CSNK2A2: variants seen among roughly 807,000 people sequenced by gnomAD.
CSNK2A2 encodes casein kinase 2 alpha 2, also known as casein kinase II subunit alpha'.
A neutral mutation model predicts 54.0 loss-of-function variants in CSNK2A2; 8 were observed. That is an observed-to-expected ratio of 0.15 (90% CI 0.09 to 0.27). The LOEUF (loss-of-function observed/expected upper bound fraction) is 0.27, where lower values mean the gene tolerates loss of function less well. Among genes scored for constraint, CSNK2A2 ranks in the 10% least tolerant of loss-of-function variants. The pLI, the probability that CSNK2A2 is intolerant of heterozygous loss-of-function variation, is 1.00. For synonymous variants in CSNK2A2, 141 were observed against 153.9 expected, an observed-to-expected ratio of 0.92 and a Z score of 0.62; for missense variants, 242 against 439.4, an observed-to-expected ratio of 0.55 and a Z score of 4.02.
intron 4 of CSNK2A2, among the ~76,000 whole-genome samples, chr16:58,181,505 CATG>C (rs1245730699): frequency 6.6e-6 from 1 of 152,070 alleles, no homozygotes; most frequent in East Asian, 1.9e-4. Flanking sequence ...ATTCAAAAAC[CATG>C]ATATTTCAGA....
intron 4 of CSNK2A2, among the ~76,000 whole-genome samples, chr16:58,180,327 C>T (rs544106997): frequency 9.1e-4 from 137 of 149,808 alleles, no homozygotes; most frequent in Non-Finnish European, 1.6e-3. Flanking sequence ...GGCACAAATA[C>T]TACTTAAAAA....
rs376627162 is a variant in CSNK2A2, at chr16:58,194,534, A to T, written c.216+2199T>A. Among the ~76,000 whole-genome samples the T allele has an allele frequency of 6.3e-4, 96 of 152,314 alleles. 3 individuals carry two copies. The highest frequency in any genetic ancestry group is 2.2e-3 in the African/African-American group (93 of 41,564). On this transcript the variant is annotated intron_variant, in intron 2 of 11. Transcript: ENST00000262506. The stretch of plus-strand genomic sequence containing the variant: ...TTAGGCTGCACTGTGAAAACAAACA[A>T]CATCAAGAAGAAACAAGAAACATTT...
chr16:58,183,292 G>A (rs1041453770), intron 4 of CSNK2A2, among the ~76,000 whole-genome samples: 4 of 151,456 alleles, frequency 2.6e-5, no homozygotes, highest in Admixed American at 6.6e-5. Flanking sequence ...CAGGAGAATC[G>A]CTTGAACCCG....
Position 58,197,206 on chromosome 16 carries a change from T to C in CSNK2A2, c.105-362A>G, listed in dbSNP as rs1962479579. 1 of 284,962 alleles carries C rather than the reference T, an allele frequency of 3.5e-6. No homozygotes were observed. Among genetic ancestry groups the C allele is most frequent in the Non-Finnish European group, 6.7e-6 (1 of 148,682 alleles). The allele number at this position is 284,962 out of a possible 1,614,324, so 17.7% of individuals were successfully genotyped here. On this transcript the variant is annotated intron_variant, in intron 1 of 11. Coordinates refer to ENST00000262506, the MANE Select transcript of CSNK2A2 (RefSeq NM_001896.4). The surrounding 1 kb of genome is among the most constrained non-coding windows in gnomAD (Gnocchi z 4.0). ...TCTTCAAGGTAGACAATGCCTGTTT[T>C]AAAAATCTGGACGTCTTTAAGAAAT...
Position 58,166,616 on chromosome 16 carries a change from G to A in CSNK2A2, c.795C>T (p.Asp265=). ...LYGYLKKYHI[D]LDPHFNDILG... ...GGATATCGTTGAAGTGTGGATCTAGGTCTATGTGATACTTCTTCAGATACC... is the reference window on the plus strand; with the variant it reads ...GGATATCGTTGAAGTGTGGATCTAGATCTATGTGATACTTCTTCAGATACC... The change falls in exon 9 of 12, where the codon GAC becomes GAT. Residue 265 remains aspartate (D), a synonymous_variant. Coordinates refer to ENST00000262506, the MANE Select transcript of CSNK2A2 (RefSeq NM_001896.4). The A allele has an allele frequency of 1.9e-6, 3 of 1,613,078 alleles. No homozygotes were observed. The highest frequency in any genetic ancestry group is 2.5e-6 in the Non-Finnish European group (3 of 1,179,176).
chr16:58,193,680 C>G (rs1435605510), intron 2 of CSNK2A2, among the ~76,000 whole-genome samples: 1 of 152,286 alleles, frequency 6.6e-6, no homozygotes, highest in African/African-American at 2.4e-5. Flanking sequence ...ACTTTTACTT[C>G]TGTGTACACT....
chr16:58,174,655 G>A, intron 4 of CSNK2A2, 145 bp from the exon 5 acceptor site: 1 of 516,490 alleles, frequency 1.9e-6, no homozygotes, highest in Non-Finnish European at 3.4e-6. Flanking sequence ...GAAATAAATG[G>A]GAAGACTAAA....
chr16:58,170,777 T>C (rs886300874), intron 5 of CSNK2A2, among the ~76,000 whole-genome samples: 1 of 152,140 alleles, frequency 6.6e-6, no homozygotes, highest in African/African-American at 2.4e-5. Flanking sequence ...CTAAATCTTC[T>C]TTGGAGAAAT....
chr16:58,174,441 C>G lies in CSNK2A2; in HGVS notation c.429+10G>C. ...CTGAAAAAAATTAATGGTTTATGAA[C>G]ACCACTTACTTTAAGTAGTTCATAC... On this transcript the variant is annotated intron_variant, in intron 5 of 11. Coordinates refer to ENST00000262506, the MANE Select transcript of CSNK2A2 (RefSeq NM_001896.4). The G allele has an allele frequency of 6.3e-7, 1 of 1,594,308 alleles. No individual in the cohort carries two copies. The highest frequency in any genetic ancestry group is 1.7e-5 in the Admixed American group (1 of 57,644).
intron 4 of CSNK2A2, among the ~76,000 whole-genome samples, chr16:58,180,626 T>C (rs1225587045): frequency 6.6e-6 from 1 of 152,162 alleles, no homozygotes; most frequent in Non-Finnish European, 1.5e-5. Context: ...GAGGAAAAGC[T>C]ACCCAATCTA....
chr16:58,196,993 CGACATA>C (rs1053048039), intron 1 of CSNK2A2, 149 bp from the exon 2 acceptor site: 1 of 670,694 alleles, frequency 1.5e-6, no homozygotes, highest in African/African-American at 1.8e-5. Flanking sequence ...ATGAAAGCCA[CGACATA>C]ATCTTGGCTC....
At chr16:58,172,501 G>C (rs572182819) in intron 5 of CSNK2A2, among the ~76,000 whole-genome samples, 1 of 152,216 alleles carries the variant, frequency 6.6e-6, no homozygotes, top group African/African-American at 2.4e-5. Context: ...CCCCACTCCT[G>C]TTTTTTCTTT....
chr16:58,195,545 T>C (rs1164402896), intron 2 of CSNK2A2, among the ~76,000 whole-genome samples: 3 of 152,200 alleles, frequency 2.0e-5, no homozygotes, highest in East Asian at 1.9e-4. Flanking sequence ...AAATCACATG[T>C]ATGCAAAGTG....
rs899044863 is a variant in CSNK2A2, at chr16:58,168,830, A to G, written c.430-137T>C. ...CAGCTTGCTGCCTGTAATGAAAGAG[A>G]AAAAAAGCGTGCTTCAGAAGGCACC... is the stretch of plus-strand genomic sequence containing the variant. On this transcript the variant is annotated intron_variant, in intron 5 of 11. Coordinates refer to ENST00000262506, the MANE Select transcript of CSNK2A2 (RefSeq NM_001896.4). The G allele has an allele frequency of 9.2e-5, 59 of 641,860 alleles. 1 individual carries two copies. Among genetic ancestry groups the G allele is most frequent in the South Asian group, 7.4e-4 (37 of 49,878 alleles). 39.8% of individuals were successfully genotyped at this position (641,860 alleles called of 1,614,324 possible).
At position 58,167,413 on chromosome 16, in the gene CSNK2A2, CATAG is replaced by C. The variant is rs1175429579; in HGVS notation, c.625-109_625-106del. On this transcript the variant is annotated intron_variant, in intron 7 of 11. Transcript: ENST00000262506. ...TTGGGCGTGTTCAGGGTGGTATGGC[CATAG>C]ATAATTTATTTAAAAAAAATTTTTT... 1.1e-5 allele frequency: 8 copies of C among 756,550 alleles called. No homozygotes were observed. In the East Asian group the frequency reaches 2.2e-4, roughly 21 times the overall value. 46.9% of individuals were successfully genotyped at this position (756,550 alleles called of 1,614,324 possible). A position where few individuals can be genotyped will look rare whatever the true frequency, so the allele number is the denominator to read the frequency against.
At position 58,190,732 on chromosome 16, in the gene CSNK2A2, C is replaced by A. The variant is rs572671007; in HGVS notation, c.217-3876G>T. On this transcript the variant is annotated intron_variant, in intron 2 of 11. Coordinates refer to ENST00000262506, the MANE Select transcript of CSNK2A2 (RefSeq NM_001896.4). ...GTCAGGATAGCTGCTATCAAAAAAACCAGAAAAGAAGTGTTGGCAAGGATG... is the reference window on the plus strand; with the variant it reads ...GTCAGGATAGCTGCTATCAAAAAAAACAGAAAAGAAGTGTTGGCAAGGATG... Among the ~76,000 whole-genome samples, 7 of 152,228 alleles carry A rather than the reference C, an allele frequency of 4.6e-5. No individual in the cohort carries two copies. The East Asian group carries it at 5.8e-4, about 13-fold the overall frequency.
chr16:58,181,925 G>C (rs1962053206), intron 4 of CSNK2A2, among the ~76,000 whole-genome samples: 1 of 152,078 alleles, frequency 6.6e-6, no homozygotes, highest in African/African-American at 2.4e-5. Context: ...CGTCACATAA[G>C]ATGAAACTAG....
intron 4 of CSNK2A2, among the ~76,000 whole-genome samples, chr16:58,179,131 C>T (rs908690927): frequency 6.6e-6 from 1 of 152,076 alleles, no homozygotes; most frequent in South Asian, 2.1e-4. Flanking sequence ...TCAGTGCTAG[C>T]GTATTTACAA....
chr16:58,163,146 TA>T (rs1961437332), intron 11 of CSNK2A2: 1 of 150,886 alleles, frequency 6.6e-6, no homozygotes, highest in East Asian at 1.9e-4. Context: ...TTTCCAGCTT[TA>T]GTTATGGTTG....
Sources: allele counts gnomAD v4.1 joint callset (sites outside exome capture counted in the v4.1 genomes callset), GRCh38; gene constraint gnomAD v4.1.1; non-coding constraint Gnocchi (gnomAD v3.1); transcripts MANE v1.5; gene names NCBI Gene and HGNC (gene_info 2026-07-23, HGNC 2026-07-21).